CDK15: variants seen among roughly 807,000 people sequenced by gnomAD.
The protein encoded by CDK15 is cyclin dependent kinase 15.
CDK15 carries 62 observed loss-of-function variants against 60.3 expected under a neutral mutation model. The ratio of observed to expected loss-of-function variants is 1.03; its 90% confidence interval spans 0.84 to 1.27. The LOEUF (loss-of-function observed/expected upper bound fraction) is 1.27, where lower values mean the gene tolerates loss of function less well. CDK15 is among the 50% of genes most tolerant of loss of function. The pLI is 0.00. For missense variants in CDK15, 541 were observed against 527.8 expected (o/e 1.03, Z -0.25); for synonymous variants, 194 against 195.7 (o/e 0.99, Z 0.07).
At position 201,814,393 on chromosome 2, in the gene CDK15, G is replaced by C. The variant is rs182878518; in HGVS notation, c.448+1831G>C. Among the ~76,000 whole-genome samples, 6 of 152,302 alleles carry C rather than the reference G, an allele frequency of 3.9e-5. No homozygotes were observed. In the East Asian group the frequency reaches 1.2e-3, roughly 29 times the overall value. The stretch of plus-strand genomic sequence containing the variant: ...GCTCGTGTAATATTAAAAACCACAA[G>C]AGGATTTCTGACACATTGGAGGTTG... On this transcript the variant is annotated intron_variant, in intron 4 of 13. Transcript: ENST00000652192.
rs775345015 is a variant in CDK15, at chr2:201,860,718, C to T, written c.1009+5781C>T. The T allele has an allele frequency of 2.9e-5, 39 of 1,352,116 alleles. No individual in the cohort carries two copies. The South Asian group carries it at 4.3e-4, about 15-fold the overall frequency. 83.8% of individuals were successfully genotyped at this position (1,352,116 alleles called of 1,614,324 possible). A position where few individuals can be genotyped will look rare whatever the true frequency, so the allele number is the denominator to read the frequency against. On this transcript the variant is annotated intron_variant, in intron 10 of 13. Transcript: ENST00000652192. ...GCCCAGTTGTTTTTCAGTATGCTTGCTTTATCAACTTCTGACCACCAGGTG... is the reference window on the plus strand; with the variant it reads ...GCCCAGTTGTTTTTCAGTATGCTTGTTTTATCAACTTCTGACCACCAGGTG...
At chr2:201,818,978 A>G (rs1696105823) in intron 4 of CDK15, among the ~76,000 whole-genome samples, 1 of 150,690 alleles carries the variant, frequency 6.6e-6, no homozygotes, top group African/African-American at 2.4e-5. Flanking sequence ...ACAAAACAAA[A>G]CAAAACAAAA....
Position 201,890,816 on chromosome 2 carries a change from G to T in CDK15, c.1230G>T (p.Arg410Ser), listed in dbSNP as rs1314357119. The change falls in exon 13 of 14, where the codon AGG becomes AGT. Residue 410 changes from arginine (R) to serine (S), a missense_variant. Transcript: ENST00000652192. ...EESLFTVSGV[R>S]LKPEMCDLLA... is the part of the protein sequence containing the mutation. Reference sequence around the variant, plus strand: ...CTTTGTTTACAGTTTCAGGAGTGAGGCTAAAGCCAGAAATGTGTGACCTTT... The same window carrying T: ...CTTTGTTTACAGTTTCAGGAGTGAGTCTAAAGCCAGAAATGTGTGACCTTT... 6.2e-7 allele frequency: 1 copy of T among 1,613,392 alleles called. No homozygotes were observed. Among genetic ancestry groups the T allele is most frequent in the Non-Finnish European group, 8.5e-7 (1 of 1,179,730 alleles).
chr2:201,849,179 CT>C (rs1697798018), intron 9 of CDK15, among the ~76,000 whole-genome samples: 1 of 152,216 alleles, frequency 6.6e-6, no homozygotes, highest in African/African-American at 2.4e-5. Context: ...ATAATAAGGA[CT>C]TTCTAATTCT....
At chr2:201,877,811 G>A (rs895697643) in intron 11 of CDK15, among the ~76,000 whole-genome samples, 23 of 152,196 alleles carry the variant, frequency 1.5e-4, no homozygotes, top group African/African-American at 5.6e-4. Context: ...TCTTGCCTAT[G>A]AAGCAATTAT....
Position 201,807,598 on chromosome 2 carries a change from C to CT in CDK15, c.228_229insT (p.Ser77Ter), listed in dbSNP as rs766895293. Reference sequence around the variant, plus strand: ...TCAAGAGTAAAAGGCCACGGAGTAACAGTGATTGTTTTCAGGAAGAGGATC... The same window carrying CT: ...TCAAGAGTAAAAGGCCACGGAGTAACTAGTGATTGTTTTCAGGAAGAGGATC... On this transcript the variant is annotated frameshift_variant, in exon 2 of 14. Coordinates refer to ENST00000652192, the MANE Select transcript of CDK15 (RefSeq NM_001366386.2). LOFTEE classifies it high-confidence loss of function. 13 of 1,614,024 alleles carry CT rather than the reference C, an allele frequency of 8.1e-6. No homozygotes were observed. Among genetic ancestry groups the CT allele is most frequent in the Non-Finnish European group, 8.5e-6 (10 of 1,180,046 alleles).
chr2:201,890,314 T>A (rs1699599521), intron 12 of CDK15, among the ~76,000 whole-genome samples: 1 of 152,208 alleles, frequency 6.6e-6, no homozygotes, highest in Non-Finnish European at 1.5e-5. Flanking sequence ...TTCCTTCATA[T>A]CTTTGCTCAT....
intron 10 of CDK15, chr2:201,861,469 T>G: frequency 1.0e-6 from 1 of 985,240 alleles, no homozygotes; most frequent in Non-Finnish European, 1.2e-6. Flanking sequence ...AAAAATAAAT[T>G]ATATTGAATT....
intron 4 of CDK15, among the ~76,000 whole-genome samples, chr2:201,815,227 A>C (rs1165084558): frequency 6.6e-6 from 1 of 152,182 alleles, no homozygotes; most frequent in African/African-American, 2.4e-5. Flanking sequence ...AATATATCTT[A>C]ATACATGTGT....
intron 4 of CDK15, among the ~76,000 whole-genome samples, chr2:201,812,975 C>A (rs1278240717): frequency 3.3e-5 from 5 of 152,156 alleles, no homozygotes; most frequent in Admixed American, 3.3e-4. Context: ...AGAAGGCATG[C>A]ATGTTTAGTG....
chr2:201,838,840 A>T (rs192570675), intron 8 of CDK15, among the ~76,000 whole-genome samples: 13 of 151,908 alleles, frequency 8.6e-5, no homozygotes, highest in East Asian at 3.9e-4. Flanking sequence ...TTCTACCAAA[A>T]TTTTTTTTCC....
At position 201,882,352 on chromosome 2, in the gene CDK15, A is replaced by C. The variant is rs1699309160; in HGVS notation, c.1198+2185A>C. On this transcript the variant is annotated intron_variant, in intron 12 of 13. Coordinates refer to ENST00000652192, the MANE Select transcript of CDK15 (RefSeq NM_001366386.2). The surrounding 1 kb of genome is among the most constrained non-coding windows in gnomAD (Gnocchi z 4.0). ...GCTGCCTGCACTAGCGGGGGAAACCAGGAGTGCTCACAGCAGGAGGGAAGT... is the reference window on the plus strand; with the variant it reads ...GCTGCCTGCACTAGCGGGGGAAACCCGGAGTGCTCACAGCAGGAGGGAAGT... Among the ~76,000 whole-genome samples, 1 of 152,200 alleles carries C rather than the reference A, an allele frequency of 6.6e-6. No individual in the cohort carries two copies. The highest frequency in any genetic ancestry group is 6.5e-5 in the Admixed American group (1 of 15,276).
At chr2:201,828,073 G>T (rs1696585367) in intron 6 of CDK15, among the ~76,000 whole-genome samples, 1 of 152,198 alleles carries the variant, frequency 6.6e-6, no homozygotes, top group African/African-American at 2.4e-5. Flanking sequence ...AAACATAACT[G>T]GTTTTGTGTT....
chr2:201,880,352 A>G (rs1699233874), intron 12 of CDK15, among the ~76,000 whole-genome samples, 185 bp downstream of exon 12: 1 of 152,214 alleles, frequency 6.6e-6, no homozygotes, highest in Admixed American at 6.5e-5. Flanking sequence ...TGAGTTTTGC[A>G]TGAGCTTCTC....
intron 11 of CDK15, among the ~76,000 whole-genome samples, chr2:201,878,909 A>T (rs1234394173): frequency 6.6e-6 from 1 of 152,214 alleles, no homozygotes; most frequent in African/African-American, 2.4e-5. Context: ...ATTAGGTTTC[A>T]ACATAAATTT....
chr2:201,825,792 T>A (rs1696459467), intron 6 of CDK15, among the ~76,000 whole-genome samples: 1 of 152,056 alleles, frequency 6.6e-6, no homozygotes, highest in Non-Finnish European at 1.5e-5. Context: ...AAGACAGAAG[T>A]TAATGTGCTG....
intron 3 of CDK15, among the ~76,000 whole-genome samples, chr2:201,810,835 CTCTTTTTTT>C (rs1553520317): frequency 1.5e-5 from 2 of 133,980 alleles, no homozygotes; most frequent in Non-Finnish European, 1.6e-5. Flanking sequence ...ATGGTATGCA[CTCTTTTTTT>C]TTTTTTTTTT....
At chr2:201,848,711 A>C (rs1196797813) in intron 9 of CDK15, among the ~76,000 whole-genome samples, 12 of 152,174 alleles carry the variant, frequency 7.9e-5, no homozygotes, top group African/African-American at 2.9e-4. Flanking sequence ...TCCATGTTGT[A>C]GAATGTGTCA....
Position 201,882,398 on chromosome 2 carries a change from A to AG in CDK15, c.1198+2235dup, listed in dbSNP as rs1699310503. ...GAAGTTGACTTTTCTTTATACATAT[A>AG]GGGGTTTTTCCATGCAGAGTTTAAA... is the stretch of plus-strand genomic sequence containing the variant. On this transcript the variant is annotated intron_variant, in intron 12 of 13. Transcript: ENST00000652192. The surrounding 1 kb of genome is among the most constrained non-coding windows in gnomAD (Gnocchi z 4.0). 6.6e-6 allele frequency among the ~76,000 whole-genome samples: 1 copy of AG among 152,180 alleles called. No individual in the cohort carries two copies. Among genetic ancestry groups the AG allele is most frequent in the Non-Finnish European group, 1.5e-5 (1 of 68,026 alleles).
Sources: gnomAD v4.1 joint callset for allele counts (sites outside exome capture counted in the v4.1 genomes callset) on GRCh38, gnomAD v4.1.1 for gene constraint, Gnocchi (gnomAD v3.1) non-coding constraint, MANE v1.5 for transcripts, NCBI Gene and HGNC (gene_info 2026-07-23, HGNC 2026-07-21) for gene names.